Variants in SLC1A5 observed in about 807,000 individuals in gnomAD.
The protein encoded by SLC1A5 is neutral amino acid transporter B(0).
In SLC1A5, 25 loss-of-function variants were observed where a neutral mutation model predicts 34.9. The ratio of observed to expected loss-of-function variants is 0.72; its 90% CI spans 0.52 to 1.00. SLC1A5 has a LOEUF of 1.00. Among genes scored for constraint, SLC1A5 ranks in the 50% least tolerant of loss-of-function variants. The probability of loss-of-function intolerance (pLI) is 0.00; values close to 1 mark genes in which losing one functional copy is unlikely to be tolerated. For missense variants in SLC1A5, 637 were observed against 740.0 expected (o/e 0.86, Z 1.61); for synonymous variants, 351 against 341.2 (o/e 1.03, Z -0.32).
At chr19:46,784,787 T>C in intron 1 of SLC1A5, 2 of 1,440,380 alleles carry the variant, frequency 1.4e-6, no homozygotes, top group South Asian at 3.0e-5. Flanking sequence ...GCTGGCGTGC[T>C]AGCCCTGAGG....
intron 4 of SLC1A5, among the ~76,000 whole-genome samples, chr19:46,779,885 C>T (rs1322835834): frequency 6.6e-6 from 1 of 151,266 alleles, no homozygotes; most frequent in South Asian, 2.1e-4. Context: ...TGGAGTCTCA[C>T]TCTGTTGCCC....
Position 46,787,139 on chromosome 19 carries a change from CTA to C in SLC1A5, c.566+259_566+260del, listed in dbSNP as rs1025696977. On this transcript the variant is annotated intron_variant, in intron 1 of 7. Transcript: ENST00000542575. The surrounding 1 kb of genome is among the most constrained non-coding windows in gnomAD (Gnocchi z 5.2). ...GTCTTTCTCCCCTAGGCAGACCCTC[CTA>C]TGTCTCCCCAAATCACTTTCTTCTC... is the stretch of plus-strand genomic sequence containing the variant. The C allele has an allele frequency of 1.9e-6, 2 of 1,059,832 alleles. No homozygotes were observed. Among genetic ancestry groups the C allele is most frequent in the African/African-American group, 3.4e-5 (2 of 59,146 alleles). 65.7% of individuals were successfully genotyped at this position (1,059,832 alleles called of 1,614,324 possible).
Position 46,777,245 on chromosome 19 carries a change from G to T in SLC1A5, c.1219C>A (p.Gln407Lys). 1 of 1,609,558 alleles carries T rather than the reference G, an allele frequency of 6.2e-7. No individual in the cohort carries two copies. Among genetic ancestry groups the T allele is most frequent in the South Asian group, 1.1e-5 (1 of 90,668 alleles). Residue 407 changes from glutamine (Q) to lysine (K), a missense_variant, in exon 6 of 8, where the codon CAG becomes AAG. Transcript: ENST00000542575. ...AAVFIAQLSQ[Q>K]SLDFVKIITI... ...ATGATCTTTACGAAGTCCAAGGACT[G>T]CTGGCTGAGCTGTGCAATGAACACT...
In SLC1A5 at chr19:46,787,243, C is replaced by G. The variant is rs2055192871; in HGVS notation, c.566+157G>C. On this transcript the variant is annotated intron_variant, in intron 1 of 7. Transcript: ENST00000542575. The surrounding 1 kb of genome is among the most constrained non-coding windows in gnomAD (Gnocchi z 5.2). The stretch of plus-strand genomic sequence containing the variant: ...TCCCCAGGAGACTAGACTCACACTC[C>G]CGAGGGCTGGAGCCTCCCCTCAATA... 6.9e-7 allele frequency: 1 copy of G among 1,442,628 alleles called. No individual in the cohort carries two copies. The highest frequency in any genetic ancestry group is 1.5e-5 in the South Asian group (1 of 67,014). 89.4% of individuals were successfully genotyped at this position (1,442,628 alleles called of 1,614,324 possible). A position where few individuals can be genotyped will look rare whatever the true frequency, so the allele number is the denominator to read the frequency against.
chr19:46,784,854 C>T, intron 1 of SLC1A5: 1 of 1,389,258 alleles, frequency 7.2e-7, no homozygotes, highest in Non-Finnish European at 9.3e-7. Flanking sequence ...GGGCAGGTCG[C>T]CCCGGGCCTC....
Position 46,777,421 on chromosome 19 carries a change from G to A in SLC1A5, c.1059-16C>T, listed in dbSNP as rs968124804. 2 of 1,596,582 alleles carry A rather than the reference G, an allele frequency of 1.3e-6. No homozygotes were observed. Among genetic ancestry groups the A allele is most frequent in the Non-Finnish European group, 1.7e-6 (2 of 1,171,176 alleles). On this transcript the variant is annotated splice_polypyrimidine_tract_variant and intron_variant, in intron 5 of 7. Coordinates refer to ENST00000542575, the MANE Select transcript of SLC1A5 (RefSeq NM_005628.3). ...CGTGGCGGAACTGCAAGGGATGGGG[G>A]AGCTGAGTTAGGTTAACCTGCTGAC...
Position 46,778,671 on chromosome 19 carries a change from G to A in SLC1A5, c.1058+4C>T, listed in dbSNP as rs763386156. ...TCCCACCCTAGCCCACCCCAAGGCC[G>A]TACCTGGAAGAGGTCCCAAAGGCAG... On this transcript the variant is annotated splice_donor_region_variant and intron_variant, in intron 5 of 7. Coordinates refer to ENST00000542575, the MANE Select transcript of SLC1A5 (RefSeq NM_005628.3). 3.7e-5 allele frequency: 25 copies of A among 682,808 alleles called. No individual in the cohort carries two copies. The highest frequency in any genetic ancestry group is 6.1e-5 in the Non-Finnish European group (24 of 395,718). 42.3% of individuals were successfully genotyped at this position (682,808 alleles called of 1,614,324 possible). A position where few individuals can be genotyped will look rare whatever the true frequency, so the allele number is the denominator to read the frequency against.
In SLC1A5 at chr19:46,788,029, A is replaced by G. The variant is rs558624235; in HGVS notation, c.-64T>C. 148 of 1,439,434 alleles carry G rather than the reference A, an allele frequency of 1.0e-4. 1 individual carries two copies. Among genetic ancestry groups the G allele is most frequent in the Middle Eastern group, 1.8e-4 (1 of 5,526 alleles). 89.2% of individuals were successfully genotyped at this position (1,439,434 alleles called of 1,614,324 possible). Reference sequence around the variant, plus strand: ...GCTGGGAGCGCTTGGGCTCCTTCCCAGGACCCGACGTTCCTAGGACTGAGT... The same window carrying G: ...GCTGGGAGCGCTTGGGCTCCTTCCCGGGACCCGACGTTCCTAGGACTGAGT... On this transcript the variant is annotated 5_prime_UTR_variant, in exon 1 of 8. Transcript: ENST00000542575.
At position 46,787,491 on chromosome 19, in the gene SLC1A5, A is replaced by C. The variant is rs571292518; in HGVS notation, c.475T>G (p.Ser159Ala). The change falls in exon 1 of 8, where the codon TCC becomes GCC. Residue 159 changes from serine (S) to alanine (A), a missense_variant. Ser to Ala is a moderately conservative substitution (Grantham distance 99). Coordinates refer to ENST00000542575, the MANE Select transcript of SLC1A5 (RefSeq NM_005628.3). The surrounding 1 kb of genome is among the most constrained non-coding windows in gnomAD (Gnocchi z 5.2). ...LALALQPGAA[S>A]AAINASVGAA... Reference sequence around the variant, plus strand: ...CCCACGGAGGCGTTGATGGCGGCGGAGGCGGCGCCCGGCTGCAGAGCCAGC... The same window carrying C: ...CCCACGGAGGCGTTGATGGCGGCGGCGGCGGCGCCCGGCTGCAGAGCCAGC... The C allele has an allele frequency of 8.3e-5, 132 of 1,586,710 alleles. No individual in the cohort carries two copies. In the African/African-American group the frequency reaches 1.6e-3, roughly 19 times the overall value.
At position 46,782,380 on chromosome 19, in the gene SLC1A5, T is replaced by G; in HGVS notation, c.824+3A>C. 2.2e-6 allele frequency: 1 copy of G among 448,256 alleles called. No individual in the cohort carries two copies. Among genetic ancestry groups the G allele is most frequent in the South Asian group, 2.6e-5 (1 of 38,036 alleles). The allele number at this position is 448,256 out of a possible 1,614,324, so 27.8% of individuals were successfully genotyped here. On this transcript the variant is annotated splice_donor_region_variant and intron_variant, in intron 4 of 7. Coordinates refer to ENST00000542575, the MANE Select transcript of SLC1A5 (RefSeq NM_005628.3). The stretch of plus-strand genomic sequence containing the variant: ...ACCCCCAGCCTCCTCTCCCACCACC[T>G]ACCACATGATCCAGGAGACCAGAAC...
Position 46,778,878 on chromosome 19 carries a change from C to T in SLC1A5, c.855G>A (p.Val285=). The T allele has an allele frequency of 1.3e-6, 2 of 1,583,526 alleles. No homozygotes were observed. Among genetic ancestry groups the T allele is most frequent in the Non-Finnish European group, 1.7e-6 (2 of 1,165,174 alleles). ...CCTCCATCTCCACGATCTTGCCAGC[C>T]ACCAGGAACATGATGCCCACAGGGG... ...WYAPVGIMFL[V]AGKIVEMEDV... is the part of the protein sequence containing the mutation. The change falls in exon 5 of 8, where the codon GTG becomes GTA. Residue 285 remains valine, a synonymous_variant. Coordinates refer to ENST00000542575, the MANE Select transcript of SLC1A5 (RefSeq NM_005628.3).
intron 1 of SLC1A5, chr19:46,784,776 GGCTGGCGT>G: frequency 1.4e-6 from 2 of 1,449,028 alleles, no homozygotes; most frequent in Non-Finnish European, 1.8e-6. Context: ...AGCCCCAAGA[GGCTGGCGT>G]GCTAGCCCTG....
intron 1 of SLC1A5, 24 bp from the exon 2 acceptor site, chr19:46,784,583 G>C (rs1429082494): frequency 3.7e-6 from 6 of 1,614,056 alleles, no homozygotes; most frequent in Non-Finnish European, 5.1e-6. Context: ...CACACAGAGG[G>C]TTATTAGATA....
intron 4 of SLC1A5, among the ~76,000 whole-genome samples, chr19:46,779,873 G>A (rs1188020698): frequency 1.3e-5 from 2 of 149,608 alleles, no homozygotes; most frequent in African/African-American, 4.9e-5. Flanking sequence ...TTTTTTTTGA[G>A]ATGGAGTCTC....
chr19:46,778,667 G>T lies in SLC1A5; in HGVS notation c.1058+8C>A. 12 of 661,790 alleles carry T rather than the reference G, an allele frequency of 1.8e-5. No homozygotes were observed. The highest frequency in any genetic ancestry group is 2.9e-5 in the Non-Finnish European group (11 of 374,064). 41.0% of individuals were successfully genotyped at this position (661,790 alleles called of 1,614,324 possible). A position where few individuals can be genotyped will look rare whatever the true frequency, so the allele number is the denominator to read the frequency against. On this transcript the variant is annotated splice_region_variant and intron_variant, in intron 5 of 7. Transcript: ENST00000542575. ...AACATCCCACCCTAGCCCACCCCAA[G>T]GCCGTACCTGGAAGAGGTCCCAAAG...
intron 4 of SLC1A5, among the ~76,000 whole-genome samples, chr19:46,780,009 C>G (rs1050734200): frequency 2.0e-5 from 3 of 152,050 alleles, no homozygotes; most frequent in Admixed American, 6.5e-5. Flanking sequence ...CGTGCTACCA[C>G]GCCCAGCTAA....
At position 46,784,134 on chromosome 19, in the gene SLC1A5, G is replaced by A. The variant is rs201677813; in HGVS notation, c.620C>T (p.Thr207Ile). Residue 207 changes from threonine to isoleucine, a missense_variant, in exon 3 of 8, where the codon ACC (threonine) becomes ATC (isoleucine). Thr to Ile is a moderately conservative substitution (Grantham distance 89). Transcript: ENST00000542575. ...VSAAFRSYST[T>I]YEERNITGTR... is the part of the protein sequence containing the mutation. Reference sequence around the variant, plus strand: ...TCCGGTGATATTCCTCTCTTCATAGGTGGTAGAGTACTGTAGGTGGGGTTG... The same window carrying A: ...TCCGGTGATATTCCTCTCTTCATAGATGGTAGAGTACTGTAGGTGGGGTTG... 317 of 1,613,300 alleles carry A rather than the reference G, an allele frequency of 2.0e-4. No homozygotes were observed. Among genetic ancestry groups the A allele is most frequent in the Non-Finnish European group, 2.5e-4 (300 of 1,179,368 alleles).
In SLC1A5 at chr19:46,782,476, G is replaced by A. The variant is rs748831494; in HGVS notation, c.731C>T (p.Ala244Val). 2.0e-5 allele frequency: 33 copies of A among 1,613,842 alleles called. No homozygotes were observed. The Admixed American group carries it at 2.7e-4, about 13-fold the overall frequency. ...CCCTTCAGGCCCCAGCTTCCGCAGC[G>A]CCACACCAAAGACGATGGCAAACAC... ...LVVFAIVFGVALRKLGPEGEL... is the reference protein window; with the variant it reads ...LVVFAIVFGVVLRKLGPEGEL... The change falls in exon 4 of 8, where the codon GCG (alanine) becomes GTG (valine). Residue 244 changes from alanine (A) to valine (V), a missense_variant. Transcript: ENST00000542575.
chr19:46,781,187 G>A (rs2055143256), intron 4 of SLC1A5, among the ~76,000 whole-genome samples: 1 of 152,200 alleles, frequency 6.6e-6, no homozygotes, highest in Admixed American at 6.5e-5. Context: ...AGGATGCAAT[G>A]AGATGCCAGT....
Sources: gnomAD v4.1 joint callset for allele counts (sites outside exome capture counted in the v4.1 genomes callset) on GRCh38, gnomAD v4.1.1 for gene constraint, Gnocchi (gnomAD v3.1) non-coding constraint, MANE v1.5 for transcripts, NCBI Gene and HGNC (gene_info 2026-07-23, HGNC 2026-07-21) for gene names.